Variants in OGDH observed in about 807,000 individuals in gnomAD.
OGDH encodes 2-oxoglutarate dehydrogenase complex component E1.
In OGDH, 38 loss-of-function variants were observed where a neutral mutation model predicts 116.6. The observed-to-expected ratio is 0.33, with a 90% CI of 0.25 to 0.43. OGDH has a LOEUF of 0.43. Among genes scored for constraint, OGDH ranks in the 20% least tolerant of loss-of-function variants. The probability of loss-of-function intolerance (pLI) is 1.00; values close to 1 mark genes in which losing one functional copy is unlikely to be tolerated. For synonymous variants in OGDH, 488 were observed against 533.3 expected (o/e 0.92, Z 1.17); for missense variants, 825 against 1,357.2 (o/e 0.61, Z 6.16).
chr7:44,694,390 C>T lies in OGDH; in HGVS notation c.1516-34C>T. 1.2e-6 allele frequency: 2 copies of T among 1,610,912 alleles called. No homozygotes were observed. The highest frequency in any genetic ancestry group is 1.7e-6 in the Non-Finnish European group (2 of 1,178,556). ...AGCACTTCTTCCCAAGGGGCCAGCC[C>T]TTGTCTCTGACATCCTCTCACTGCT... On this transcript the variant is annotated intron_variant, in intron 11 of 22. Coordinates refer to ENST00000222673, the MANE Select transcript of OGDH (RefSeq NM_002541.4). The surrounding 1 kb of genome is among the most constrained non-coding windows in gnomAD (Gnocchi z 4.2).
At chr7:44,674,093 A>T in intron 6 of OGDH, 152 bp downstream of exon 6, 1 of 889,582 alleles carries the variant, frequency 1.1e-6, no homozygotes, top group Non-Finnish European at 1.7e-6. Context: ...GTGTGAAGAG[A>T]CACCAGACAA....
intron 5 of OGDH, among the ~76,000 whole-genome samples, chr7:44,673,337 T>TA (rs1483001248): frequency 3.3e-5 from 5 of 152,126 alleles, no homozygotes; most frequent in African/African-American, 1.2e-4. Context: ...AATAAATAAA[T>TA]AATTTTTAAA....
At chr7:44,671,456 A>G (rs181384146) in intron 5 of OGDH, among the ~76,000 whole-genome samples, 9 of 152,288 alleles carry the variant, frequency 5.9e-5, no homozygotes, top group Admixed American at 4.6e-4. Flanking sequence ...TGGGGGAACA[A>G]ACGGGTTAAT....
chr7:44,673,666 G>A (rs1389035806), intron 5 of OGDH, 121 bp from the exon 6 acceptor site: 26 of 954,444 alleles, frequency 2.7e-5, no homozygotes, highest in Non-Finnish European at 4.1e-5. Context: ...CTTGATTGGA[G>A]TACATTTCAG....
chr7:44,707,821 A>C lies in OGDH; in HGVS notation c.2952-58A>C. ...TTAGCCAGGCACATGCAGCAGAGGG[A>C]TGGGCTGGGCCAACTCAGTGTCCCC... On this transcript the variant is annotated intron_variant, in intron 22 of 22. Transcript: ENST00000222673. This position sits in a 1 kb window ranked among gnomAD's most constrained non-coding sequence, Gnocchi z 5.2. 1 of 1,608,830 alleles carries C rather than the reference A, an allele frequency of 6.2e-7. No homozygotes were observed.
intron 4 of OGDH, among the ~76,000 whole-genome samples, chr7:44,662,783 C>T (rs368207350): frequency 2.0e-4 from 31 of 152,122 alleles, no homozygotes; most frequent in African/African-American, 7.0e-4. Context: ...TTTCTACCCT[C>T]CATGGTTTCT....
At chr7:44,685,799 T>C (rs977470416) in intron 10 of OGDH, among the ~76,000 whole-genome samples, 1 of 151,734 alleles carries the variant, frequency 6.6e-6, no homozygotes, top group Admixed American at 6.6e-5. Flanking sequence ...TTTTTTCAAT[T>C]TTCTTGTAGA....
chr7:44,686,229 A>C (rs1203024440), intron 10 of OGDH, among the ~76,000 whole-genome samples: 3 of 152,086 alleles, frequency 2.0e-5, no homozygotes, highest in Admixed American at 2.0e-4. Context: ...TCTTGTTTCC[A>C]ATTTTTGGAA....
At position 44,659,526 on chromosome 7, in the gene OGDH, G is replaced by C. The variant is rs187246799; in HGVS notation, c.518-7210G>C. ...CAAAATCATTTGGGCTTAGAGGTTA[G>C]TTTTTCACAAGGTTTTTATTTATTA... On this transcript the variant is annotated intron_variant, in intron 4 of 22. Transcript: ENST00000222673. 7.9e-5 allele frequency among the ~76,000 whole-genome samples: 12 copies of C among 152,244 alleles called. No individual in the cohort carries two copies. The East Asian group carries it at 2.3e-3, about 29-fold the overall frequency.
intron 7 of OGDH, among the ~76,000 whole-genome samples, chr7:44,674,913 T>C (rs3735477): frequency 0.3 from 46,162 of 152,008 alleles, 8,612 homozygotes; most frequent in Non-Finnish European, 0.42. Context: ...ATAGGGAAGG[T>C]GTGGGGAGGG....
At position 44,697,313 on chromosome 7, in the gene OGDH, G is replaced by A. The variant is rs1382826417; in HGVS notation, c.2052-57G>A. The A allele has an allele frequency of 5.6e-6, 9 of 1,608,274 alleles. No homozygotes were observed. In the Admixed American group the frequency reaches 1.5e-4, roughly 27 times the overall value. ...TGCTGGTGCTTCGTGCGGGTCCCCA[G>A]CGTATTTGCTTGTCAAGTCAGAGCT... On this transcript the variant is annotated intron_variant, in intron 15 of 22. Coordinates refer to ENST00000222673, the MANE Select transcript of OGDH (RefSeq NM_002541.4). The surrounding 1 kb of genome is among the most constrained non-coding windows in gnomAD (Gnocchi z 6.0).
At chr7:44,621,416 A>G (rs887393172) in intron 1 of OGDH, among the ~76,000 whole-genome samples, 2 of 152,138 alleles carry the variant, frequency 1.3e-5, no homozygotes, top group African/African-American at 4.8e-5. Context: ...GAGAAAGGTG[A>G]AGAATGGGTA....
Position 44,697,856 on chromosome 7 carries a change from G to C in OGDH, c.2358+74G>C, listed in dbSNP as rs1788654085. 6.6e-7 allele frequency: 1 copy of C among 1,508,686 alleles called. No homozygotes were observed. Among genetic ancestry groups the C allele is most frequent in the African/African-American group, 1.4e-5 (1 of 71,816 alleles). 93.5% of individuals were successfully genotyped at this position (1,508,686 alleles called of 1,614,324 possible). ...GTGTAGGACCCTGACCCCAAAGACT[G>C]GCACGAGAGCCAGTGGCTCACACCA... is the stretch of plus-strand genomic sequence containing the variant. On this transcript the variant is annotated intron_variant, in intron 17 of 22. Coordinates refer to ENST00000222673, the MANE Select transcript of OGDH (RefSeq NM_002541.4). This position sits in a 1 kb window ranked among gnomAD's most constrained non-coding sequence, Gnocchi z 6.0.
rs1022036535 is a variant in OGDH at position 44,656,392 on chromosome 7, C to G, written c.517+8633C>G. 2.5e-5 allele frequency: 39 copies of G among 1,533,034 alleles called. No individual in the cohort carries two copies. In the Admixed American group the frequency reaches 2.6e-4, roughly 10 times the overall value. The allele number at this position is 1,533,034 out of a possible 1,614,324, so 95.0% of individuals were successfully genotyped here. On this transcript the variant is annotated intron_variant, in intron 4 of 22. Transcript: ENST00000222673. The stretch of plus-strand genomic sequence containing the variant: ...GAAAATAATGAGCTTTTCACCTTTT[C>G]AGAGTTGAGGACTTCATTTGAATAG...
chr7:44,683,328 C>T (rs1428910322), intron 10 of OGDH, among the ~76,000 whole-genome samples: 1 of 152,026 alleles, frequency 6.6e-6, no homozygotes, highest in African/African-American at 2.4e-5. Context: ...CTCATGGACT[C>T]AAGCATCTTC....
At chr7:44,688,842 C>T (rs1446644996) in intron 10 of OGDH, among the ~76,000 whole-genome samples, 1 of 152,074 alleles carries the variant, frequency 6.6e-6, no homozygotes, top group Non-Finnish European at 1.5e-5. Context: ...CTCCACTTCC[C>T]GGGTTCAAAC....
intron 4 of OGDH, among the ~76,000 whole-genome samples, chr7:44,660,179 C>T (rs920672940): frequency 1.3e-5 from 2 of 152,150 alleles, no homozygotes; most frequent in African/African-American, 4.8e-5. Flanking sequence ...GGCTATAGTG[C>T]AGTGGCATGG....
chr7:44,708,167 G>C lies in OGDH; in HGVS notation c.*168G>C, dbSNP rs1789171613. ...AGTTAGGCTGTCGTCCCCCTCCAGT[G>C]CTTGGCTGCCCCACAGGCCACACGC... On this transcript the variant is annotated 3_prime_UTR_variant, in exon 23 of 23. Transcript: ENST00000222673. 1 of 950,172 alleles carries C rather than the reference G, an allele frequency of 1.1e-6. No homozygotes were observed. Among genetic ancestry groups the C allele is most frequent in the Non-Finnish European group, 1.5e-6 (1 of 653,780 alleles). 58.9% of individuals were successfully genotyped at this position (950,172 alleles called of 1,614,324 possible).
chr7:44,694,055 C>T lies in OGDH; in HGVS notation c.1515+51C>T, dbSNP rs1159086300. 6.5e-7 allele frequency: 1 copy of T among 1,550,166 alleles called. No homozygotes were observed. ...CCTGGGCAGAGCATCTGACCCACCC[C>T]TCTTGCCCTCGGCACCCCTGTGTCC... On this transcript the variant is annotated intron_variant, in intron 11 of 22. Transcript: ENST00000222673. This position sits in a 1 kb window ranked among gnomAD's most constrained non-coding sequence, Gnocchi z 4.2.
Sources: gnomAD v4.1 joint callset for allele counts (sites outside exome capture counted in the v4.1 genomes callset) on GRCh38, gnomAD v4.1.1 for gene constraint, Gnocchi (gnomAD v3.1) non-coding constraint, MANE v1.5 for transcripts, NCBI Gene and HGNC (gene_info 2026-07-23, HGNC 2026-07-21) for gene names.